MRM3: variants seen among roughly 807,000 people sequenced by gnomAD.
The protein encoded by MRM3 is rRNA methyltransferase 3, mitochondrial.
In MRM3, 26 loss-of-function variants were observed where a neutral mutation model predicts 29.4. The observed-to-expected ratio is 0.89, with a 90% confidence interval of 0.65 to 1.23. The LOEUF is 1.23. MRM3 is among the 50% of genes most tolerant of loss of function. The pLI, the probability that MRM3 is intolerant of heterozygous loss-of-function variation, is 0.00. For synonymous variants in MRM3, 225 were observed against 219.0 expected (o/e 1.03, Z -0.24); for missense variants, 578 against 540.2 (o/e 1.07, Z -0.69).
chr17:788,101 G>A lies in MRM3; in HGVS notation c.696G>A (p.Gly232=). 1 of 1,614,118 alleles carries A rather than the reference G, an allele frequency of 6.2e-7. No individual in the cohort carries two copies. The highest frequency in any genetic ancestry group is 1.7e-5 in the Admixed American group (1 of 60,008). Residue 232 remains glycine (G), a synonymous_variant, in exon 3 of 4, where the codon GGG becomes GGA. Transcript: ENST00000304478. ...NLGTILRSAA[G]AGCSKVLLTK... is the part of the protein sequence containing the mutation. Reference sequence around the variant, plus strand: ...GGACAATTCTGAGATCTGCAGCTGGGGCAGGCTGCAGCAAAGTGTTACTCA... The same window carrying A: ...GGACAATTCTGAGATCTGCAGCTGGAGCAGGCTGCAGCAAAGTGTTACTCA...
chr17:791,472 TCCA>T, intron 3 of MRM3, 59 bp from the exon 4 acceptor site: 1 of 1,534,388 alleles, frequency 6.5e-7, no homozygotes, highest in Non-Finnish European at 8.8e-7. Flanking sequence ...TCAGACTTAC[TCCA>T]CAGTCCCCTG....
At position 782,495 on chromosome 17, in the gene MRM3, A is replaced by C; in HGVS notation, c.117A>C (p.Lys39Asn). Residue 39 changes from lysine (K) to asparagine (N), a missense_variant, in exon 1 of 4, where the codon AAA (lysine) becomes AAC (asparagine). By Grantham distance (94) the Lys-to-Asn change is moderately conservative. Coordinates refer to ENST00000304478, the MANE Select transcript of MRM3 (RefSeq NM_018146.4). Reference sequence around the variant, plus strand: ...GGGCGCTGCGGCGGAGCCCAGTGAAAGTGGTGTTTCCTTCCGGAGAGGTGG... The same window carrying C: ...GGGCGCTGCGGCGGAGCCCAGTGAACGTGGTGTTTCCTTCCGGAGAGGTGG... ...WVRALRRSPV[K>N]VVFPSGEVVE... 6.2e-7 allele frequency: 1 copy of C among 1,613,620 alleles called. No homozygotes were observed. Among genetic ancestry groups the C allele is most frequent in the Non-Finnish European group, 8.5e-7 (1 of 1,179,582 alleles).
In MRM3 at chr17:783,311, G is replaced by A. The variant is rs145139429; in HGVS notation, c.543G>A (p.Thr181=). The change falls in exon 2 of 4, where the codon ACG becomes ACA. Residue 181 remains threonine (T), a synonymous_variant. Transcript: ENST00000304478. ...EDIKDWSDLV[T]PQGIMGIFAK... is the part of the protein sequence containing the mutation. ...TCAAGGATTGGTCCGACCTCGTAAC[G>A]CCACAAGGAATAATGGGTTAGTGAT... The A allele has an allele frequency of 2.5e-4, 404 of 1,611,794 alleles. No individual in the cohort carries two copies. The African/African-American group carries it at 3.8e-3, about 15-fold the overall frequency.
rs1200689054 is a variant in MRM3, at chr17:782,554, G to A, written c.176G>A (p.Arg59His). Residue 59 changes from arginine (R) to histidine (H), a missense_variant, in exon 1 of 4, where the codon CGC (arginine) becomes CAC (histidine). Arg to His is a conservative substitution (Grantham distance 29). Transcript: ENST00000304478. Reference sequence around the variant, plus strand: ...AAGCGCGCTCCTGGGAAGCAGCCCCGCAAGGCACCATCTGAGGCCAGTGCC... The same window carrying A: ...AAGCGCGCTCCTGGGAAGCAGCCCCACAAGGCACCATCTGAGGCCAGTGCC... ...EQKRAPGKQP[R>H]KAPSEASAQE... is the part of the protein sequence containing the mutation. The A allele has an allele frequency of 1.9e-6, 3 of 1,614,006 alleles. No homozygotes were observed. The highest frequency in any genetic ancestry group is 2.2e-5 in the East Asian group (1 of 44,876).
Position 783,114 on chromosome 17 carries a change from T to G in MRM3, c.346T>G (p.Phe116Val), listed in dbSNP as rs750865768. ...AATGACAATAGTAAAGTCCAGGCCA[T>G]TTCGGGAAAAACAAGGGAAGATCCT... Reference protein sequence around the residue: ...SVMTIVKSRPFREKQGKILLE... With the variant: ...SVMTIVKSRPVREKQGKILLE... The change falls in exon 2 of 4, where the codon TTT becomes GTT. Residue 116 changes from phenylalanine to valine, a missense_variant. Physicochemically the swap from Phe to Val is conservative, Grantham distance 50. Transcript: ENST00000304478. 3.1e-6 allele frequency: 5 copies of G among 1,613,868 alleles called. No homozygotes were observed. In the East Asian group the frequency reaches 1.1e-4, roughly 36 times the overall value.
At chr17:788,166 C>G (rs759234305) in intron 3 of MRM3, 34 bp downstream of exon 3, 2 of 1,609,394 alleles carry the variant, frequency 1.2e-6, no homozygotes, top group Non-Finnish European at 1.7e-6. Flanking sequence ...TAGTGGCTCA[C>G]ACTCGTAATC....
At chr17:782,757 ACCT>A (rs1910207834) in intron 1 of MRM3, 65 bp downstream of exon 1, 31 of 1,492,820 alleles carry the variant, frequency 2.1e-5, no homozygotes, top group Non-Finnish European at 2.6e-5. Flanking sequence ...CGGAACCTTA[ACCT>A]CCTTCCGATG....
Position 783,104 on chromosome 17 carries a change from G to C in MRM3, c.336G>C (p.Lys112Asn), listed in dbSNP as rs376897980. ...RRLSSVMTIV[K>N]SRPFREKQGK... is the part of the protein sequence containing the mutation. ...ACAGCAGTGTAATGACAATAGTAAA[G>C]TCCAGGCCATTTCGGGAAAAACAAG... Residue 112 changes from lysine (K) to asparagine (N), a missense_variant, in exon 2 of 4, where the codon AAG becomes AAC. Coordinates refer to ENST00000304478, the MANE Select transcript of MRM3 (RefSeq NM_018146.4). The C allele has an allele frequency of 1.2e-6, 2 of 1,613,358 alleles. No individual in the cohort carries two copies. Among genetic ancestry groups the C allele is most frequent in the Non-Finnish European group, 1.7e-6 (2 of 1,179,720 alleles).
rs756175686 is a variant in MRM3, at chr17:791,663, T to C, written c.857T>C (p.Val286Ala). ...CTGCCCCCTGACACTCGGGTCTATG[T>C]GGCTGACAACTGTGGCCTTTATGCC... ...NYLPPDTRVYVADNCGLYAQA... is the reference protein window; with the variant it reads ...NYLPPDTRVYAADNCGLYAQA... Residue 286 changes from valine (V) to alanine (A), a missense_variant, in exon 4 of 4, where the codon GTG becomes GCG. Val to Ala is a moderately conservative substitution (Grantham distance 64). Coordinates refer to ENST00000304478, the MANE Select transcript of MRM3 (RefSeq NM_018146.4). 4 of 1,614,124 alleles carry C rather than the reference T, an allele frequency of 2.5e-6. No homozygotes were observed. Among genetic ancestry groups the C allele is most frequent in the Non-Finnish European group, 3.4e-6 (4 of 1,180,050 alleles).
chr17:788,374 C>T (rs1257860158), intron 3 of MRM3, among the ~76,000 whole-genome samples: 1 of 151,724 alleles, frequency 6.6e-6, no homozygotes, highest in African/African-American at 2.4e-5. Flanking sequence ...CAAAGCTCAT[C>T]ACATGTCAAG....
intron 3 of MRM3, among the ~76,000 whole-genome samples, chr17:789,230 G>A (rs1453589453): frequency 6.6e-6 from 1 of 152,142 alleles, no homozygotes; most frequent in Non-Finnish European, 1.5e-5. Context: ...TTGGTTTCTG[G>A]TTCTTTATGT....
chr17:791,839 G>T lies in MRM3; in HGVS notation c.1033G>T (p.Asp345Tyr). 3 of 1,614,188 alleles carry T rather than the reference G, an allele frequency of 1.9e-6. No homozygotes were observed. Among genetic ancestry groups the T allele is most frequent in the Non-Finnish European group, 1.7e-6 (2 of 1,180,046 alleles). Reference protein sequence around the residue: ...PHVEVQSYDSDWTEAPAAVVI... With the variant: ...PHVEVQSYDSYWTEAPAAVVI... ...TGTTGAGGTTCAGAGTTACGACTCG[G>T]ACTGGACAGAGGCGCCGGCAGCTGT... Residue 345 changes from aspartate (D) to tyrosine (Y), a missense_variant, in exon 4 of 4, where the codon GAC becomes TAC. Transcript: ENST00000304478.
chr17:788,396 C>G (rs1910638031), intron 3 of MRM3, among the ~76,000 whole-genome samples: 1 of 151,574 alleles, frequency 6.6e-6, no homozygotes, highest in Admixed American at 6.6e-5. Flanking sequence ...GAGCTCATCA[C>G]TGCACTCCAG....
chr17:790,449 A>C (rs1910737515), intron 3 of MRM3: 1 of 167,436 alleles, frequency 6.0e-6, no homozygotes, highest in Admixed American at 6.5e-5. Context: ...TTCCCATAGG[A>C]GGCCTCCTCC....
In MRM3 at chr17:783,287, C is replaced by A. The variant is rs1188662677; in HGVS notation, c.519C>A (p.Ile173=). The A allele has an allele frequency of 6.2e-7, 1 of 1,613,054 alleles. No individual in the cohort carries two copies. The highest frequency in any genetic ancestry group is 1.3e-5 in the African/African-American group (1 of 74,844). ...VSLIKVKFED[I]KDWSDLVTPQ... ...TCATTAAGGTGAAATTTGAGGATAT[C>A]AAGGATTGGTCCGACCTCGTAACGC... The change falls in exon 2 of 4, where the codon ATC becomes ATA. Residue 173 remains isoleucine (I), a synonymous_variant. Coordinates refer to ENST00000304478, the MANE Select transcript of MRM3 (RefSeq NM_018146.4).
chr17:789,201 T>C (rs1324489368), intron 3 of MRM3, among the ~76,000 whole-genome samples: 1 of 152,202 alleles, frequency 6.6e-6, no homozygotes, highest in Non-Finnish European at 1.5e-5. Flanking sequence ...GGAAAAGAAA[T>C]AGATGCCAAT....
intron 2 of MRM3, among the ~76,000 whole-genome samples, chr17:784,589 A>G (rs781160188): frequency 2.9e-4 from 44 of 151,772 alleles, no homozygotes; most frequent in Middle Eastern, 3.4e-3. Context: ...ACAGTGGCCA[A>G]CCCATCTTGA....
intron 3 of MRM3, 58 bp from the exon 4 acceptor site, chr17:791,476 C>G: frequency 4.5e-6 from 7 of 1,544,096 alleles, no homozygotes; most frequent in Non-Finnish European, 4.4e-6. Context: ...ACTTACTCCA[C>G]AGTCCCCTGG....
rs1910144665 is a variant in MRM3 at position 782,373 on chromosome 17, G to A, written c.-6G>A. 6 of 1,613,468 alleles carry A rather than the reference G, an allele frequency of 3.7e-6. No homozygotes were observed. The highest frequency in any genetic ancestry group is 5.1e-6 in the Non-Finnish European group (6 of 1,179,838). On this transcript the variant is annotated 5_prime_UTR_variant, in exon 1 of 4. Transcript: ENST00000304478. ...CTTTCGTGACGCAGCCCGGGTCTCA[G>A]GGAACATGGCGGCGCTGGTGAGACC...
Sources: allele counts gnomAD v4.1 joint callset (sites outside exome capture counted in the v4.1 genomes callset), GRCh38; gene constraint gnomAD v4.1.1; transcripts MANE v1.5; gene names NCBI Gene and HGNC (gene_info 2026-07-23, HGNC 2026-07-21).